Variants in SNTG2 observed in about 807,000 individuals in gnomAD.
SNTG2 encodes syntrophin gamma 2.
SNTG2 carries 74 observed loss-of-function variants against 70.9 expected under a neutral mutation model. The observed-to-expected ratio is 1.04, with a 90% CI of 0.86 to 1.27. The LOEUF (loss-of-function observed/expected upper bound fraction) is 1.27, where lower values mean the gene tolerates loss of function less well. Among genes scored for constraint, SNTG2 ranks in the 50% most tolerant of loss-of-function variants. The pLI is 0.00. For synonymous variants in SNTG2, 278 were observed against 273.8 expected (o/e 1.02, Z -0.15); for missense variants, 717 against 690.7 (o/e 1.04, Z -0.43).
intron 8 of SNTG2, among the ~76,000 whole-genome samples, chr2:1,193,765 T>C (rs894780896): frequency 6.6e-6 from 1 of 152,242 alleles, no homozygotes; most frequent in Non-Finnish European, 1.5e-5. Context: ...ATTCACCATC[T>C]ACTGCATGTT....
At chr2:1,036,596 C>G (rs1020125336) in intron 1 of SNTG2, among the ~76,000 whole-genome samples, 1 of 152,080 alleles carries the variant, frequency 6.6e-6, no homozygotes, top group African/African-American at 2.4e-5. Context: ...TACCCATATT[C>G]CTTTCTGCCT....
chr2:1,140,907 TA>T (rs1162617322), intron 6 of SNTG2, among the ~76,000 whole-genome samples: 1 of 152,224 alleles, frequency 6.6e-6, no homozygotes, highest in Non-Finnish European at 1.5e-5. Flanking sequence ...TTAGTCCTTT[TA>T]AAAAACACGT....
chr2:1,117,887 G>A (rs1158189391), intron 4 of SNTG2, among the ~76,000 whole-genome samples: 2 of 152,194 alleles, frequency 1.3e-5, no homozygotes, highest in Non-Finnish European at 2.9e-5. Flanking sequence ...CTGGGCTCTA[G>A]TTGCTGCTGT....
intron 12 of SNTG2, among the ~76,000 whole-genome samples, chr2:1,248,124 T>C (rs1171001761): frequency 6.6e-6 from 1 of 152,204 alleles, no homozygotes; most frequent in Non-Finnish European, 1.5e-5. Context: ...CATGGGACTT[T>C]TTTCCATTAA....
chr2:1,093,239 G>A (rs1665153059), intron 2 of SNTG2, among the ~76,000 whole-genome samples: 1 of 152,092 alleles, frequency 6.6e-6, no homozygotes. Context: ...TACTGGGAGA[G>A]CATTGAGGCA....
At chr2:1,002,439 G>A (rs188868508) in intron 1 of SNTG2, among the ~76,000 whole-genome samples, 12 of 152,100 alleles carry the variant, frequency 7.9e-5, no homozygotes, top group Admixed American at 3.3e-4. Context: ...GCAAAAGTAG[G>A]CAAAAGACAT....
In SNTG2 at chr2:1,359,402, T is replaced by C. The variant is rs367863153; in HGVS notation, c.1489-7941T>C. Reference sequence around the variant, plus strand: ...TTGGGTGCATATTTATTTACAGTTGTTCTATCTTCCTGGTGGATTGATTCT... The same window carrying C: ...TTGGGTGCATATTTATTTACAGTTGCTCTATCTTCCTGGTGGATTGATTCT... On this transcript the variant is annotated intron_variant, in intron 16 of 16. Transcript: ENST00000308624. Among the ~76,000 whole-genome samples, 2 of 152,292 alleles carry C rather than the reference T, an allele frequency of 1.3e-5. 1 individual carries two copies. Among genetic ancestry groups the C allele is most frequent in the Middle Eastern group, 6.8e-3 (2 of 294 alleles).
At chr2:1,317,225 G>A (rs186619920) in intron 16 of SNTG2, among the ~76,000 whole-genome samples, 983 of 40,764 alleles carry the variant, frequency 0.024, 271 homozygotes, top group African/African-American at 0.088. Context: ...AACATTTAGC[G>A]TCCGGCCAGC....
Position 1,259,762 on chromosome 2 carries a change from T to C in SNTG2, c.1077+321T>C, listed in dbSNP as rs75134781. On this transcript the variant is annotated intron_variant, in intron 13 of 16. Coordinates refer to ENST00000308624, the MANE Select transcript of SNTG2 (RefSeq NM_018968.4). ...TCATTTATTCCAAGAACTTTAGATT[T>C]TGTTACTGCTGCTGCTGTTATTGAA... Among the ~76,000 whole-genome samples, 693 of 152,360 alleles carry C rather than the reference T, an allele frequency of 4.5e-3. 7 individuals are homozygous for C. Among genetic ancestry groups the C allele is most frequent in the African/African-American group, 0.016 (658 of 41,596 alleles).
At chr2:1,150,468 G>A (rs1412592118) in intron 6 of SNTG2, among the ~76,000 whole-genome samples, 1 of 152,152 alleles carries the variant, frequency 6.6e-6, no homozygotes, top group East Asian at 1.9e-4. Flanking sequence ...GGCTCTAATT[G>A]GTGGGTGACG....
chr2:1,112,740 CTAAG>C (rs780107213), intron 4 of SNTG2, among the ~76,000 whole-genome samples: 25 of 149,632 alleles, frequency 1.7e-4, no homozygotes, highest in South Asian at 4.2e-4. Context: ...ATCGTGTGTA[CTAAG>C]TGAGGTTTAA....
chr2:1,271,667 G>A (rs1269475093), intron 14 of SNTG2, among the ~76,000 whole-genome samples: 1 of 152,048 alleles, frequency 6.6e-6, no homozygotes, highest in Non-Finnish European at 1.5e-5. Context: ...TCCCCTCCCA[G>A]TCATAAGATG....
intron 8 of SNTG2, among the ~76,000 whole-genome samples, chr2:1,194,247 G>A (rs374503946): frequency 1.6e-4 from 25 of 152,286 alleles, no homozygotes; most frequent in Middle Eastern, 3.4e-3. Flanking sequence ...GGTCAGGATG[G>A]GGGGAGAAGC....
chr2:1,155,756 C>T (rs1166712744), intron 6 of SNTG2, among the ~76,000 whole-genome samples: 3 of 152,116 alleles, frequency 2.0e-5, no homozygotes, highest in Admixed American at 2.0e-4. Context: ...GAAAGAGCTT[C>T]GTGGAGGTGC....
intron 1 of SNTG2, among the ~76,000 whole-genome samples, chr2:1,055,970 G>C (rs1340177159): frequency 1.3e-5 from 2 of 152,084 alleles, no homozygotes; most frequent in Non-Finnish European, 2.9e-5. Flanking sequence ...GGTCTGATCT[G>C]TCCTGGACAT....
intron 14 of SNTG2, among the ~76,000 whole-genome samples, chr2:1,277,902 G>C (rs1679334253): frequency 6.6e-6 from 1 of 152,206 alleles, no homozygotes; most frequent in South Asian, 2.1e-4. Context: ...CCCACTCCAG[G>C]GTCTCCATGT....
intron 1 of SNTG2, among the ~76,000 whole-genome samples, chr2:1,024,438 T>C (rs1467324538): frequency 6.6e-6 from 1 of 152,216 alleles, no homozygotes; most frequent in Non-Finnish European, 1.5e-5. Context: ...GGCATGATCA[T>C]GGCTCACTGT....
chr2:1,228,128 C>G (rs1234943507), intron 9 of SNTG2, among the ~76,000 whole-genome samples: 1 of 152,234 alleles, frequency 6.6e-6, no homozygotes, highest in Admixed American at 6.5e-5. Flanking sequence ...CTGTCATTCC[C>G]GTGCACACTC....
At chr2:1,235,068 G>A (rs918567435) in intron 9 of SNTG2, among the ~76,000 whole-genome samples, 7 of 152,218 alleles carry the variant, frequency 4.6e-5, no homozygotes, top group Non-Finnish European at 7.4e-5. Flanking sequence ...GCCCTCACGC[G>A]CAACCAGGGA....
Sources: allele counts gnomAD v4.1 joint callset (sites outside exome capture counted in the v4.1 genomes callset), GRCh38; gene constraint gnomAD v4.1.1; transcripts MANE v1.5; gene names NCBI Gene and HGNC (gene_info 2026-07-23, HGNC 2026-07-21).